The following ZNHIT6 variants were observed in gnomAD, a reference collection of about 807,000 sequenced individuals.
ZNHIT6 encodes the protein box C/D snoRNA protein 1.
Under a neutral mutation model 57.2 loss-of-function variants are expected in ZNHIT6, and 45 were observed. The observed-to-expected ratio is 0.79, with a 90% CI of 0.62 to 1.01. The LOEUF is 1.01. Ranked by LOEUF, ZNHIT6 falls within the 50% of genes least tolerant of loss-of-function variation. The pLI, the probability that ZNHIT6 is intolerant of heterozygous loss-of-function variation, is 0.00. For synonymous variants in ZNHIT6, 188 were observed against 190.0 expected (o/e 0.99, Z 0.09); for missense variants, 528 against 567.3 (o/e 0.93, Z 0.70).
Position 85,650,727 on chromosome 1 carries a change from A to G in ZNHIT6, c.*3331T>C, listed in dbSNP as rs1660880353. On this transcript the variant is annotated 3_prime_UTR_variant, in exon 10 of 10. Coordinates refer to ENST00000370574, the MANE Select transcript of ZNHIT6 (RefSeq NM_017953.4). The stretch of plus-strand genomic sequence containing the variant: ...GGGAGTAGGTATGTGCAAAGAGATC[A>G]CATGGGAAGGCAGGAGGCAAAAAGG... 1 of 152,286 alleles carries G rather than the reference A, an allele frequency of 6.6e-6. No homozygotes were observed. The highest frequency in any genetic ancestry group is 2.4e-5 in the African/African-American group (1 of 41,448). 9.4% of individuals were successfully genotyped at this position (152,286 alleles called of 1,614,324 possible). A position where few individuals can be genotyped will look rare whatever the true frequency, so the allele number is the denominator to read the frequency against.
Position 85,708,254 on chromosome 1 carries a change from A to G in ZNHIT6, c.31T>C (p.Ser11Pro). 3.7e-6 allele frequency: 6 copies of G among 1,604,146 alleles called. No individual in the cohort carries two copies. Among genetic ancestry groups the G allele is most frequent in the Non-Finnish European group, 5.1e-6 (6 of 1,173,060 alleles). Reference sequence around the variant, plus strand: ...GCTACGCTGTGGAGACCTCCCCCAGACTTCCCTTCATTTTCAGCAGCAAAC... The same window carrying G: ...GCTACGCTGTGGAGACCTCCCCCAGGCTTCCCTTCATTTTCAGCAGCAAAC... MEFAAENEGK[S>P]GGGLHSVAEG... Residue 11 changes from serine to proline, a missense_variant, in exon 1 of 10, where the codon TCT becomes CCT. Physicochemically the swap from Ser to Pro is moderately conservative, Grantham distance 74. Coordinates refer to ENST00000370574, the MANE Select transcript of ZNHIT6 (RefSeq NM_017953.4).
At chr1:85,691,931 G>A (rs1023873961) in intron 5 of ZNHIT6, among the ~76,000 whole-genome samples, 13 of 152,086 alleles carry the variant, frequency 8.5e-5, no homozygotes, top group African/African-American at 7.2e-5. Context: ...CACTTTAGGA[G>A]GCCAAAGCGG....
chr1:85,659,110 G>A (rs535776565), intron 8 of ZNHIT6, among the ~76,000 whole-genome samples: 1 of 152,198 alleles, frequency 6.6e-6, no homozygotes, highest in East Asian at 1.9e-4. Flanking sequence ...ATATTGCCAT[G>A]TAAAATTTAA....
At position 85,706,524 on chromosome 1, in the gene ZNHIT6, G is replaced by C. The variant is rs1355818401; in HGVS notation, c.657-17C>G. On this transcript the variant is annotated splice_polypyrimidine_tract_variant and intron_variant, in intron 1 of 9. Coordinates refer to ENST00000370574, the MANE Select transcript of ZNHIT6 (RefSeq NM_017953.4). ...GTCTCACACCTACAAAAGCCCACAT[G>C]TAACATTAAATTATCAAATATTAAT... is the stretch of plus-strand genomic sequence containing the variant. The C allele has an allele frequency of 1.4e-5, 22 of 1,529,448 alleles. No homozygotes were observed. Among genetic ancestry groups the C allele is most frequent in the Non-Finnish European group, 1.7e-5 (19 of 1,145,600 alleles). The allele number at this position is 1,529,448 out of a possible 1,614,324, so 94.7% of individuals were successfully genotyped here.
At position 85,651,776 on chromosome 1, in the gene ZNHIT6, A is replaced by C. The variant is rs1660917702; in HGVS notation, c.*2282T>G. ...GTTTACACACCAGAATTTGACAATA[A>C]GCTAACATGGAGAGGGCCTCCAAAA... On this transcript the variant is annotated 3_prime_UTR_variant, in exon 10 of 10. Transcript: ENST00000370574. The C allele has an allele frequency of 6.6e-6, 1 of 152,312 alleles. No homozygotes were observed. The highest frequency in any genetic ancestry group is 2.1e-4 in the South Asian group (1 of 4,820). 9.4% of individuals were successfully genotyped at this position (152,312 alleles called of 1,614,324 possible).
intron 8 of ZNHIT6, among the ~76,000 whole-genome samples, chr1:85,663,147 A>G (rs909834701): frequency 6.6e-6 from 1 of 152,218 alleles, no homozygotes; most frequent in Admixed American, 6.5e-5. Flanking sequence ...TGTAAGGACT[A>G]TAACAGGTGA....
intron 8 of ZNHIT6, among the ~76,000 whole-genome samples, chr1:85,667,963 T>TGTATATATATATATATATAA (rs1661430392): frequency 8.9e-5 from 1 of 11,284 alleles, no homozygotes; most frequent in Non-Finnish European, 1.8e-4. Flanking sequence ...AAAAAAAAAA[T>TGTATATATATATATATATAA]ATATATATAT....
At chr1:85,672,661 T>C (rs1661591109) in intron 8 of ZNHIT6, among the ~76,000 whole-genome samples, 1 of 152,144 alleles carries the variant, frequency 6.6e-6, no homozygotes, top group African/African-American at 2.4e-5. Flanking sequence ...CTGTTTTCCT[T>C]ACTACAACAG....
intron 5 of ZNHIT6, among the ~76,000 whole-genome samples, chr1:85,697,092 G>T (rs1472709883): frequency 6.6e-6 from 1 of 151,238 alleles, no homozygotes; most frequent in Non-Finnish European, 1.5e-5. Flanking sequence ...GGATGGTCTG[G>T]ATCTCCTGAC....
In ZNHIT6 at chr1:85,677,253, CAT is replaced by C; in HGVS notation, c.1228_1229del (p.Met410AlafsTer9). On this transcript the variant is annotated frameshift_variant, in exon 8 of 10. Coordinates refer to ENST00000370574, the MANE Select transcript of ZNHIT6 (RefSeq NM_017953.4). LOFTEE classifies it high-confidence loss of function. ...AATTTTACCTTACTAAATTTTGCTGCATATATTCAATCTTCATTAAAATCTGA... is the reference window on the plus strand; with the variant it reads ...AATTTTACCTTACTAAATTTTGCTGCATATTCAATCTTCATTAAAATCTGA... ...GVQILMKIEY[M>X]QQNLVRYYEL... 6.2e-7 allele frequency: 1 copy of C among 1,606,172 alleles called. No homozygotes were observed. Among genetic ancestry groups the C allele is most frequent in the Non-Finnish European group, 8.5e-7 (1 of 1,177,542 alleles).
intron 5 of ZNHIT6, among the ~76,000 whole-genome samples, chr1:85,686,760 T>C (rs761744958): frequency 3.3e-5 from 5 of 152,126 alleles, no homozygotes; most frequent in Non-Finnish European, 7.4e-5. Context: ...TGTTCTTTAT[T>C]GACACTGTAC....
At chr1:85,696,787 T>C (rs1662382917) in intron 5 of ZNHIT6, among the ~76,000 whole-genome samples, 1 of 151,938 alleles carries the variant, frequency 6.6e-6, no homozygotes, top group African/African-American at 2.4e-5. Flanking sequence ...TTATATTAGA[T>C]ATTATTATAA....
Position 85,652,594 on chromosome 1 carries a change from C to T in ZNHIT6, c.*1464G>A, listed in dbSNP as rs1459419017. On this transcript the variant is annotated 3_prime_UTR_variant, in exon 10 of 10. Coordinates refer to ENST00000370574, the MANE Select transcript of ZNHIT6 (RefSeq NM_017953.4). ...ATTATTGTTTTTCGATTCTCTTCTC[C>T]AGTTTCTACCCCAAGTTATACTTGT... 1 of 152,148 alleles carries T rather than the reference C, an allele frequency of 6.6e-6. No individual in the cohort carries two copies. Among genetic ancestry groups the T allele is most frequent in the Non-Finnish European group, 1.5e-5 (1 of 68,008 alleles). The allele number at this position is 152,148 out of a possible 1,614,324, so 9.4% of individuals were successfully genotyped here.
chr1:85,682,221 T>TACTAAACTAAA (rs1661900929), intron 5 of ZNHIT6, among the ~76,000 whole-genome samples: 1 of 151,124 alleles, frequency 6.6e-6, no homozygotes, highest in African/African-American at 2.4e-5. Context: ...ACACAGGGTT[T>TACTAAACTAAA]CACTACGTTC....
At chr1:85,672,813 C>G (rs561909033) in intron 8 of ZNHIT6, among the ~76,000 whole-genome samples, 1 of 146,874 alleles carries the variant, frequency 6.8e-6, no homozygotes, top group East Asian at 2.0e-4. Context: ...AAAAAAACCA[C>G]GAAGATTTAC....
rs1177076650 is a variant in ZNHIT6 at position 85,675,423 on chromosome 1, TC to T, written c.1247+1812del. Reference sequence around the variant, plus strand: ...AATGTTTTGAAAACAAACTTTTTTTTCTGAGCAGTAGACTTAAAATATTCAG... The same window carrying T: ...AATGTTTTGAAAACAAACTTTTTTTTTGAGCAGTAGACTTAAAATATTCAG... On this transcript the variant is annotated intron_variant, in intron 8 of 9. Transcript: ENST00000370574. 2.0e-5 allele frequency among the ~76,000 whole-genome samples: 3 copies of T among 152,198 alleles called. No homozygotes were observed. The East Asian group carries it at 5.8e-4, about 29-fold the overall frequency.
chr1:85,673,112 C>T (rs943124010), intron 8 of ZNHIT6, among the ~76,000 whole-genome samples: 6 of 151,994 alleles, frequency 3.9e-5, no homozygotes, highest in African/African-American at 4.8e-5. Context: ...AGAAATAAGG[C>T]GGCAAAGGGC....
intron 5 of ZNHIT6, among the ~76,000 whole-genome samples, chr1:85,684,150 AC>A (rs1454310711): frequency 6.6e-6 from 1 of 152,176 alleles, no homozygotes; most frequent in Non-Finnish European, 1.5e-5. Context: ...GTATTACTAT[AC>A]CTAGTATATT....
At chr1:85,656,256 C>A (rs745321319) in intron 9 of ZNHIT6, among the ~76,000 whole-genome samples, 12 of 152,176 alleles carry the variant, frequency 7.9e-5, no homozygotes, top group Admixed American at 3.3e-4. Flanking sequence ...TTTTAAAATC[C>A]TGTCAGATAC....
Sources: allele counts gnomAD v4.1 joint callset (sites outside exome capture counted in the v4.1 genomes callset), GRCh38; gene constraint gnomAD v4.1.1; transcripts MANE v1.5; gene names NCBI Gene and HGNC (gene_info 2026-07-23, HGNC 2026-07-21).